NPAS1: variants seen among roughly 807,000 people sequenced by gnomAD.
NPAS1 encodes the protein neuronal PAS domain-containing protein 1.
A neutral mutation model predicts 49.2 loss-of-function variants in NPAS1; 29 were observed. That is an observed-to-expected ratio of 0.59 (90% CI 0.44 to 0.80). The LOEUF is 0.80. NPAS1 is among the 30% of genes least tolerant of loss of function. The probability of loss-of-function intolerance (pLI) is 0.00; values close to 1 mark genes in which losing one functional copy is unlikely to be tolerated. For synonymous variants in NPAS1, 408 were observed against 380.4 expected (o/e 1.07, Z -0.84); for missense variants, 825 against 835.5 (o/e 0.99, Z 0.15).
chr19:47,038,558 G>A (rs1273573210), intron 6 of NPAS1, among the ~76,000 whole-genome samples: 1 of 150,498 alleles, frequency 6.6e-6, no homozygotes, highest in East Asian at 2.0e-4. Context: ...CAGACATGGT[G>A]GCTCACACAT....
intron 5 of NPAS1, 109 bp from the exon 6 acceptor site, chr19:47,035,855 T>G: frequency 1.7e-6 from 2 of 1,144,290 alleles, no homozygotes; most frequent in Non-Finnish European, 2.4e-6. Context: ...CACACTGGCA[T>G]GAAGCGCACC....
chr19:47,026,816 A>G lies in NPAS1; in HGVS notation c.358+4969A>G, dbSNP rs573420864. Among the ~76,000 whole-genome samples, 363 of 127,544 alleles carry G rather than the reference A, an allele frequency of 2.8e-3. 1 individual carries two copies. Among genetic ancestry groups the G allele is most frequent in the African/African-American group, 9.5e-3 (294 of 30,954 alleles). 83.7% of individuals were successfully genotyped at this position (127,544 alleles called of 152,430 possible). On this transcript the variant is annotated intron_variant, in intron 3 of 11. Transcript: ENST00000602212. ...CTAAAAATACAAAAATTAGCCGGGC[A>G]TGGTGGTGGTGCCTGTACTCCCAGC...
At chr19:47,024,196 AG>A (rs2056858370) in intron 3 of NPAS1, among the ~76,000 whole-genome samples, 1 of 152,128 alleles carries the variant, frequency 6.6e-6, no homozygotes, top group African/African-American at 2.4e-5. Flanking sequence ...ATGAGGTGGG[AG>A]GACTGCTTGA....
chr19:47,035,165 G>A (rs142466935), intron 5 of NPAS1, among the ~76,000 whole-genome samples: 1,924 of 138,696 alleles, frequency 0.014, 40 homozygotes, highest in African/African-American at 0.047. Context: ...TGGGCAACAA[G>A]AGCAAAACTC....
chr19:47,045,745 C>A lies in NPAS1; in HGVS notation c.*94C>A, dbSNP rs2057073147. ...TGCCCGTAGCCCTGAGAATTAAACG[C>A]CGGCTCTCCCTGCAGTGGTTTGGGC... On this transcript the variant is annotated 3_prime_UTR_variant, in exon 12 of 12. Transcript: ENST00000602212. 3 of 1,151,208 alleles carry A rather than the reference C, an allele frequency of 2.6e-6. No homozygotes were observed. Among genetic ancestry groups the A allele is most frequent in the Admixed American group, 3.4e-5 (1 of 29,338 alleles). 71.3% of individuals were successfully genotyped at this position (1,151,208 alleles called of 1,614,324 possible). A position where few individuals can be genotyped will look rare whatever the true frequency, so the allele number is the denominator to read the frequency against.
chr19:47,020,538 C>T (rs2056832052), intron 1 of NPAS1, among the ~76,000 whole-genome samples: 1 of 150,102 alleles, frequency 6.7e-6, no homozygotes, highest in Admixed American at 6.6e-5. Flanking sequence ...TTAGCCCAGC[C>T]GGGAAAACAG....
chr19:47,032,321 C>G lies in NPAS1; in HGVS notation c.402C>G (p.Phe134Leu). The change falls in exon 4 of 12, where the codon TTC becomes TTG. Residue 134 changes from phenylalanine to leucine, a missense_variant. Transcript: ENST00000602212. ...CCGCAGCGCTGGTCTCCGAAGTCTT[C>G]GAGCAGCACCTGGGAGGTCACATCT... ...RGPAALVSEVFEQHLGGHILQ... is the reference protein window; with the variant it reads ...RGPAALVSEVLEQHLGGHILQ... The G allele has an allele frequency of 1.2e-6, 2 of 1,614,076 alleles. No homozygotes were observed. The highest frequency in any genetic ancestry group is 1.7e-6 in the Non-Finnish European group (2 of 1,180,014).
chr19:47,034,422 C>T (rs1339835626), intron 5 of NPAS1, among the ~76,000 whole-genome samples: 1 of 151,968 alleles, frequency 6.6e-6, no homozygotes, highest in Non-Finnish European at 1.5e-5. Flanking sequence ...ATACAAATTG[C>T]TATCAACTTT....
At chr19:47,043,688 C>G (rs947908398) in intron 11 of NPAS1, among the ~76,000 whole-genome samples, 5 of 152,016 alleles carry the variant, frequency 3.3e-5, no homozygotes, top group Non-Finnish European at 7.4e-5. Flanking sequence ...ACCCAGGAGT[C>G]AGAGGTTGCA....
Position 47,032,442 on chromosome 19 carries a change from G to GT in NPAS1, c.432+92dup, listed in dbSNP as rs564957629. The GT allele has an allele frequency of 2.1e-3, 2,904 of 1,395,108 alleles. 8 individuals are homozygous for GT. The highest frequency in any genetic ancestry group is 3.1e-3 in the South Asian group (267 of 84,918). 86.4% of individuals were successfully genotyped at this position (1,395,108 alleles called of 1,614,324 possible). ...GCAGCCTCTTCAGCATCCATCTATT[G>GT]TGGGGGGTACCTGGACTGGGAAGGC... On this transcript the variant is annotated intron_variant, in intron 4 of 11. Transcript: ENST00000602212.
intron 3 of NPAS1, among the ~76,000 whole-genome samples, chr19:47,030,128 A>T (rs1599899543): frequency 6.6e-6 from 1 of 152,178 alleles, no homozygotes; most frequent in East Asian, 1.9e-4. Flanking sequence ...GGTTCAAGGG[A>T]TTCTCCTGCC....
chr19:47,041,166 C>T (rs913200899), intron 10 of NPAS1, 41 bp downstream of exon 10: 3 of 1,486,578 alleles, frequency 2.0e-6, no homozygotes, highest in African/African-American at 2.8e-5. Context: ...CACTCAGGGC[C>T]CTGCTGTCTC....
At chr19:47,036,236 A>G (rs2056954333) in intron 6 of NPAS1, 107 bp downstream of exon 6, 2 of 1,158,554 alleles carry the variant, frequency 1.7e-6, no homozygotes, top group South Asian at 2.7e-5. Context: ...TGAAGTTAGA[A>G]CTGTGTAGAA....
chr19:47,044,880 A>C (rs536945057), intron 11 of NPAS1, among the ~76,000 whole-genome samples: 205 of 152,104 alleles, frequency 1.3e-3, no homozygotes, highest in African/African-American at 4.7e-3. Context: ...AAATAGAAAA[A>C]TTAGCTGGGT....
Position 47,042,835 on chromosome 19 carries a change from T to C in NPAS1, c.1243T>C (p.Leu415=). The C allele has an allele frequency of 3.1e-6, 5 of 1,605,544 alleles. No individual in the cohort carries two copies. The highest frequency in any genetic ancestry group is 4.3e-6 in the Non-Finnish European group (5 of 1,176,150). ...CCAAGCCGAGGGTGGCCAAACTCCT[T>C]TGGATGCCTTCCAGCTTCCAGCCAG... The part of the protein sequence containing the change: ...LSQAEGGQTP[L]DAFQLPASVA... The change falls in exon 11 of 12, where the codon TTG becomes CTG. Residue 415 remains leucine (L), a synonymous_variant. Transcript: ENST00000602212.
intron 5 of NPAS1, chr19:47,035,185 AAAT>A (rs754771939): frequency 1.2e-5 from 1 of 81,154 alleles, no homozygotes; most frequent in African/African-American, 3.8e-5. Context: ...CCGTCTAAAA[AAAT>A]AAAAAGAAGA....
chr19:47,029,654 G>A (rs534060628), intron 3 of NPAS1, among the ~76,000 whole-genome samples: 3 of 152,178 alleles, frequency 2.0e-5, no homozygotes, highest in South Asian at 4.1e-4. Flanking sequence ...ACCCACCTCC[G>A]CCTCCCAAAG....
In NPAS1 at chr19:47,036,642, C is replaced by CG. The variant is rs556570757; in HGVS notation, c.688+516dup. Among the ~76,000 whole-genome samples, 18 of 148,324 alleles carry CG rather than the reference C, an allele frequency of 1.2e-4. 1 individual carries two copies. In the South Asian group the frequency reaches 3.9e-3, roughly 32 times the overall value. ...GCCCCAGCACTTTGGGAGGCCGAGGCGGGTGGGTCACCTAAAGTCAGGAGT... is the reference window on the plus strand; with the variant it reads ...GCCCCAGCACTTTGGGAGGCCGAGGCGGGGTGGGTCACCTAAAGTCAGGAGT... On this transcript the variant is annotated intron_variant, in intron 6 of 11. Coordinates refer to ENST00000602212, the MANE Select transcript of NPAS1 (RefSeq NM_002517.4).
chr19:47,039,361 C>T, intron 7 of NPAS1, 46 bp from the exon 8 acceptor site: 1 of 1,605,878 alleles, frequency 6.2e-7, no homozygotes, highest in Non-Finnish European at 8.5e-7. Context: ...CTCTTGCCCC[C>T]ACTGGCCCGC....
Sources: gnomAD v4.1 joint callset for allele counts (sites outside exome capture counted in the v4.1 genomes callset) on GRCh38, gnomAD v4.1.1 for gene constraint, MANE v1.5 for transcripts, NCBI Gene and HGNC (gene_info 2026-07-23, HGNC 2026-07-21) for gene names.